USP34: variants seen among roughly 807,000 people sequenced by gnomAD.
USP34 encodes the protein ubiquitin specific peptidase 34.
USP34 carries 70 observed loss-of-function variants against 460.3 expected under a neutral mutation model. The ratio of observed to expected loss-of-function variants is 0.15; its 90% CI spans 0.13 to 0.19. USP34 has a LOEUF of 0.19. Ranked by LOEUF, USP34 falls within the 10% of genes least tolerant of loss-of-function variation. USP34 has a pLI of 1.00. For missense variants in USP34, 3,985 were observed against 4,236.2 expected (o/e 0.94, Z 1.65); for synonymous variants, 1,647 against 1,405.3 (o/e 1.17, Z -3.85).
At chr2:61,278,124 A>T in intron 41 of USP34, 41 bp downstream of exon 41, 1 of 1,602,608 alleles carries the variant, frequency 6.2e-7, no homozygotes, top group Non-Finnish European at 8.5e-7. Flanking sequence ...AAAAAATTTC[A>T]ATCACATTTC....
rs377073361 is a variant in USP34, at chr2:61,248,571, G to A, written c.6334C>T (p.Arg2112Cys). 6.0e-5 allele frequency: 96 copies of A among 1,608,566 alleles called. No individual in the cohort carries two copies. The highest frequency in any genetic ancestry group is 3.4e-4 in the East Asian group (15 of 44,752). ...TCTGTATAGGGCGTCATGTCCAAAC[G>A]TAATGGGAAGGAAAAGTGTGTATTC... ...KVNTHFSFPL[R>C]LDMTPYTEDF... The change falls in exon 49 of 80, where the codon CGT (arginine) becomes TGT (cysteine). Residue 2112 changes from arginine to cysteine, a missense_variant. Arg to Cys is a radical substitution (Grantham distance 180). This residue lies in a region of USP34 where 145 missense variants were observed against 291.6 expected (regional missense o/e 0.50). Coordinates refer to ENST00000398571, the MANE Select transcript of USP34 (RefSeq NM_014709.4).
At chr2:61,206,238 A>C in intron 71 of USP34, 114 bp from the exon 72 acceptor site, 1 of 816,242 alleles carries the variant, frequency 1.2e-6, no homozygotes, top group Non-Finnish European at 2.0e-6. Flanking sequence ...AATTACAAAA[A>C]CATCTTCAGT....
intron 41 of USP34, among the ~76,000 whole-genome samples, chr2:61,276,412 C>T (rs1558505123): frequency 1.3e-5 from 2 of 151,908 alleles, no homozygotes; most frequent in African/African-American, 4.8e-5. Flanking sequence ...TTTTAATGTA[C>T]TCATTTTTTA....
At chr2:61,307,502 C>T (rs558044381) in intron 27 of USP34, among the ~76,000 whole-genome samples, 1 of 151,478 alleles carries the variant, frequency 6.6e-6, no homozygotes, top group South Asian at 2.1e-4. Flanking sequence ...AATAAGGACT[C>T]AATCTCATGA....
intron 34 of USP34, among the ~76,000 whole-genome samples, chr2:61,287,667 A>G (rs1293471365): frequency 1.3e-5 from 2 of 152,184 alleles, no homozygotes; most frequent in Non-Finnish European, 2.9e-5. Flanking sequence ...GATTTTCTTA[A>G]CACTTTCTTT....
In USP34 at chr2:61,220,945, G is replaced by GT. The variant is rs1558473352; in HGVS notation, c.7900-489dup. 3.7e-5 allele frequency among the ~76,000 whole-genome samples: 5 copies of GT among 136,926 alleles called. No homozygotes were observed. In the South Asian group the frequency reaches 1.1e-3, roughly 31 times the overall value. The allele number at this position is 136,926 out of a possible 152,430, so 89.8% of individuals were successfully genotyped here. A position where few individuals can be genotyped will look rare whatever the true frequency, so the allele number is the denominator to read the frequency against. On this transcript the variant is annotated intron_variant, in intron 66 of 79. Transcript: ENST00000398571. ...AGCAGGTCAAATTCTGTGGCTGCCC[G>GT]TTTTTGTTGTTTTATTGAAACACAC...
At chr2:61,223,344 C>A in intron 62 of USP34, 48 bp from the exon 63 acceptor site, 1 of 1,548,126 alleles carries the variant, frequency 6.5e-7, no homozygotes, top group South Asian at 1.2e-5. Flanking sequence ...TTCTGTATTA[C>A]TTTACAGCGA....
chr2:61,419,973 T>G (rs1694310408), intron 2 of USP34, among the ~76,000 whole-genome samples: 1 of 152,134 alleles, frequency 6.6e-6, no homozygotes, highest in South Asian at 2.1e-4. Flanking sequence ...CCAACTCTAC[T>G]GAGAGAGGAA....
intron 53 of USP34, among the ~76,000 whole-genome samples, chr2:61,239,310 A>G (rs941963135): frequency 4.7e-5 from 5 of 105,470 alleles, no homozygotes; most frequent in African/African-American, 1.6e-4. Flanking sequence ...TCACACACAC[A>G]CACACACACA....
chr2:61,330,370 A>G (rs896976839), intron 20 of USP34, among the ~76,000 whole-genome samples: 1 of 152,212 alleles, frequency 6.6e-6, no homozygotes, highest in Non-Finnish European at 1.5e-5. Flanking sequence ...TCAAGTCTCA[A>G]GTTTTAGGCA....
In USP34 at chr2:61,347,255, C is replaced by G. The variant is rs576229229; in HGVS notation, c.2285+615G>C. The stretch of plus-strand genomic sequence containing the variant: ...TAAAATATGCACTAAATATTGAAGA[C>G]TTGGTAAGAAAAAAAGGAAGGAAAT... On this transcript the variant is annotated intron_variant, in intron 15 of 79. Transcript: ENST00000398571. Among the ~76,000 whole-genome samples the G allele has an allele frequency of 7.2e-5, 11 of 152,146 alleles. No homozygotes were observed. In the South Asian group the frequency reaches 2.1e-3, roughly 29 times the overall value.
chr2:61,317,869 A>T, intron 22 of USP34, 102 bp from the exon 23 acceptor site: 1 of 775,442 alleles, frequency 1.3e-6, no homozygotes, highest in South Asian at 2.3e-5. Context: ...AGAAGGAAAC[A>T]GATCAGTTTG....
chr2:61,459,862 C>T (rs912180831), intron 1 of USP34, among the ~76,000 whole-genome samples: 6 of 151,648 alleles, frequency 4.0e-5, no homozygotes, highest in Admixed American at 3.3e-4. Flanking sequence ...GAGATCAAGA[C>T]CATCCTGATT....
intron 3 of USP34, among the ~76,000 whole-genome samples, chr2:61,404,034 G>T (rs1693797571): frequency 7.2e-6 from 1 of 139,518 alleles, no homozygotes; most frequent in Non-Finnish European, 1.6e-5. Context: ...AGAACAGTAA[G>T]GAAAGAAGGA....
chr2:61,453,199 C>G (rs541105126), intron 1 of USP34, among the ~76,000 whole-genome samples: 2 of 151,520 alleles, frequency 1.3e-5, no homozygotes, highest in Non-Finnish European at 2.9e-5. Flanking sequence ...TTGCTAGAGC[C>G]CATGAGTTCG....
At chr2:61,314,808 A>T (rs1690693909) in intron 24 of USP34, 64 bp from the exon 25 acceptor site, 1 of 1,587,766 alleles carries the variant, frequency 6.3e-7, no homozygotes, top group Admixed American at 1.8e-5. Context: ...TATCAAAGAA[A>T]AATTTTAGTT....
intron 57 of USP34, 47 bp from the exon 58 acceptor site, chr2:61,232,579 G>A: frequency 7.1e-7 from 1 of 1,405,830 alleles, no homozygotes; most frequent in African/African-American, 1.4e-5. Context: ...ACAAATATTT[G>A]TTACATGGGA....
chr2:61,367,782 G>A (rs1252007212), intron 10 of USP34, among the ~76,000 whole-genome samples: 1 of 151,822 alleles, frequency 6.6e-6, no homozygotes, highest in Non-Finnish European at 1.5e-5. Context: ...TGTGAATAAT[G>A]CAAAAGAAAA....
In USP34 at chr2:61,378,354, C is replaced by T. The variant is rs1184813715; in HGVS notation, c.1076+9G>A. The T allele has an allele frequency of 6.4e-7, 1 of 1,566,466 alleles. No individual in the cohort carries two copies. The highest frequency in any genetic ancestry group is 8.7e-7 in the Non-Finnish European group (1 of 1,153,508). On this transcript the variant is annotated intron_variant, in intron 8 of 79. Coordinates refer to ENST00000398571, the MANE Select transcript of USP34 (RefSeq NM_014709.4). Reference sequence around the variant, plus strand: ...GTATACTTATATATAAATTAATGCTCCTACTTACGTTTCTGTGTCCGATAC... The same window carrying T: ...GTATACTTATATATAAATTAATGCTTCTACTTACGTTTCTGTGTCCGATAC...
Sources: gnomAD v4.1 joint callset for allele counts (sites outside exome capture counted in the v4.1 genomes callset) on GRCh38, gnomAD v4.1.1 for gene constraint, gnomAD v4.1.1 regional missense constraint, MANE v1.5 for transcripts, NCBI Gene and HGNC (gene_info 2026-07-23, HGNC 2026-07-21) for gene names.